The following MARCOL variants were observed in gnomAD, a reference collection of about 807,000 sequenced individuals.
MARCOL encodes MARCO-like protein.
chr5:148,242,584 C>T lies in MARCOL; in HGVS notation c.188C>T (p.Thr63Ile), dbSNP rs935391850. ...RDSNKQGGSY[T>I]QGNPGTFRLQ... ...TCTAATAAGCAAGGAGGTAGTTATA[C>T]ACAAGGAAATCCAGGAACGTTTAGG... is the stretch of plus-strand genomic sequence containing the variant. The change falls in exon 2 of 2, where the codon ACA (threonine) becomes ATA (isoleucine). Residue 63 changes from threonine to isoleucine, a missense_variant. By Grantham distance (89) the Thr-to-Ile change is moderately conservative. Coordinates refer to ENST00000638089, the MANE Select transcript of MARCOL (RefSeq NM_001363511.2). The T allele has an allele frequency of 2.0e-5, 8 of 398,158 alleles. No homozygotes were observed. The highest frequency in any genetic ancestry group is 3.5e-5 in the Non-Finnish European group (8 of 225,898). 24.7% of individuals were successfully genotyped at this position (398,158 alleles called of 1,614,324 possible).
rs1029342361 is a variant in MARCOL at position 148,242,977 on chromosome 5, A to G, written c.581A>G (p.His194Arg). 7.5e-6 allele frequency: 3 copies of G among 399,108 alleles called. No individual in the cohort carries two copies. Among genetic ancestry groups the G allele is most frequent in the Non-Finnish European group, 1.3e-5 (3 of 226,276 alleles). The allele number at this position is 399,108 out of a possible 1,614,324, so 24.7% of individuals were successfully genotyped here. A position where few individuals can be genotyped will look rare whatever the true frequency, so the allele number is the denominator to read the frequency against. The change falls in exon 2 of 2, where the codon CAT becomes CGT. Residue 194 changes from histidine (H) to arginine (R), a missense_variant. Transcript: ENST00000638089. The stretch of plus-strand genomic sequence containing the variant: ...TTAGGATCTTCTAGCCTACAAGGGC[A>G]TCTGGGTTTATCTAGCCATCAAGGG... ...GNLGSSSLQG[H>R]LGLSSHQGKP...
chr5:148,242,042 C>T (rs1022564077), intron 1 of MARCOL, among the ~76,000 whole-genome samples: 23 of 152,166 alleles, frequency 1.5e-4, no homozygotes, highest in African/African-American at 5.3e-4. Flanking sequence ...TGGCGTTATC[C>T]GTAAAGTGAA....
chr5:148,240,856 G>A (rs1480194825), intron 1 of MARCOL, among the ~76,000 whole-genome samples: 4 of 151,694 alleles, frequency 2.6e-5, no homozygotes, highest in Non-Finnish European at 5.9e-5. Flanking sequence ...CCTCCAGGAA[G>A]AAAAAAGGAT....
In MARCOL at chr5:148,243,048, C is replaced by A; in HGVS notation, c.652C>A (p.Gln218Lys). Residue 218 changes from glutamine (Q) to lysine (K), a missense_variant, in exon 2 of 2, where the codon CAA becomes AAA. By Grantham distance (53) the Gln-to-Lys change is moderately conservative (BLOSUM62 1). Coordinates refer to ENST00000638089, the MANE Select transcript of MARCOL (RefSeq NM_001363511.2). ...GQQGKPGSSS[Q>K]QGNLGTSGQQ... ...ACAGGGGAAGCCAGGGTCATCTAGC[C>A]AACAAGGAAATCTAGGAACTTCTGG... 2.5e-6 allele frequency: 1 copy of A among 397,624 alleles called. No homozygotes were observed. Among genetic ancestry groups the A allele is most frequent in the Non-Finnish European group, 4.4e-6 (1 of 225,310 alleles). 24.6% of individuals were successfully genotyped at this position (397,624 alleles called of 1,614,324 possible).
In MARCOL at chr5:148,240,309, T is replaced by C. The variant is rs559221392; in HGVS notation, c.49+1663T>C. On this transcript the variant is annotated intron_variant, in intron 1 of 1. Transcript: ENST00000638089. Reference sequence around the variant, plus strand: ...AAATCTTCATTATATTGATTGTCCTTGGAGAAAACAAAGAGTAGAACTCTG... The same window carrying C: ...AAATCTTCATTATATTGATTGTCCTCGGAGAAAACAAAGAGTAGAACTCTG... Among the ~76,000 whole-genome samples, 10 of 152,044 alleles carry C rather than the reference T, an allele frequency of 6.6e-5. No homozygotes were observed. The South Asian group carries it at 1.2e-3, about 19-fold the overall frequency.
chr5:148,242,851 C>A lies in MARCOL; in HGVS notation c.455C>A (p.Ser152Ter). The stretch of plus-strand genomic sequence containing the variant: ...TCTGACCAACAAGAGAAACCAGGGT[C>A]ATTTAGCCAGAAAGTGATGGTGGGG... ...GSSDQQEKPGSFSQKVMVGSS... is the reference protein window; with the variant it reads ...GSSDQQEKPG Residue 152 changes from serine (S) to a stop codon, truncating the protein, a stop_gained, in exon 2 of 2, where the codon TCA (serine) becomes TAA (stop). Coordinates refer to ENST00000638089, the MANE Select transcript of MARCOL (RefSeq NM_001363511.2). LOFTEE classifies it low-confidence loss of function (END_TRUNC). The A allele has an allele frequency of 2.5e-6, 1 of 398,866 alleles. No individual in the cohort carries two copies. Among genetic ancestry groups the A allele is most frequent in the Middle Eastern group, 6.3e-4 (1 of 1,592 alleles). The allele number at this position is 398,866 out of a possible 1,614,324, so 24.7% of individuals were successfully genotyped here.
At position 148,242,755 on chromosome 5, in the gene MARCOL, A is replaced by T. The variant is rs1222813452; in HGVS notation, c.359A>T (p.Gln120Leu). ...QKGNPESSNK[Q>L]ENSGSSSQLG... ...GGGAATCCAGAATCTTCTAATAAGC[A>T]GGAAAACTCAGGATCTTCTAGCCAA... Residue 120 changes from glutamine to leucine, a missense_variant, in exon 2 of 2, where the codon CAG becomes CTG. Gln to Leu is a moderately radical substitution (Grantham distance 113). Transcript: ENST00000638089. The T allele has an allele frequency of 5.0e-6, 2 of 398,384 alleles. No homozygotes were observed. The highest frequency in any genetic ancestry group is 8.8e-6 in the Non-Finnish European group (2 of 226,002). The allele number at this position is 398,384 out of a possible 1,614,324, so 24.7% of individuals were successfully genotyped here. A position where few individuals can be genotyped will look rare whatever the true frequency, so the allele number is the denominator to read the frequency against.
At chr5:148,241,166 G>C (rs1428603118) in intron 1 of MARCOL, among the ~76,000 whole-genome samples, 1 of 127,302 alleles carries the variant, frequency 7.9e-6, no homozygotes, top group Non-Finnish European at 1.8e-5. Context: ...CTAAGCTTCT[G>C]TGTCTTGACT....
intron 1 of MARCOL, 50 bp from the exon 2 acceptor site, chr5:148,242,396 A>C (rs1355400417): frequency 5.0e-6 from 2 of 396,986 alleles, no homozygotes; most frequent in African/African-American, 4.1e-5. Context: ...AAAATTATTT[A>C]ATGTATATAA....
At position 148,238,536 on chromosome 5, in the gene MARCOL, A is replaced by G. The variant is rs1307460568; in HGVS notation, c.-62A>G. On this transcript the variant is annotated 5_prime_UTR_variant, in exon 1 of 2. Coordinates refer to ENST00000638089, the MANE Select transcript of MARCOL (RefSeq NM_001363511.2). ...AGTGAGCATGGTTTATTTGAAGAGC[A>G]CCTACTGCAGAGTTAGGCTTAACTC... 2.5e-6 allele frequency: 1 copy of G among 397,522 alleles called. No individual in the cohort carries two copies. The highest frequency in any genetic ancestry group is 2.1e-5 in the African/African-American group (1 of 48,552). 24.6% of individuals were successfully genotyped at this position (397,522 alleles called of 1,614,324 possible). A position where few individuals can be genotyped will look rare whatever the true frequency, so the allele number is the denominator to read the frequency against.
intron 1 of MARCOL, among the ~76,000 whole-genome samples, chr5:148,239,745 C>T: frequency 6.6e-6 from 1 of 151,892 alleles, no homozygotes; most frequent in East Asian, 1.9e-4. Flanking sequence ...AGATAAAATT[C>T]CTTTATAGAA....
At chr5:148,241,947 G>A (rs1425056047) in intron 1 of MARCOL, among the ~76,000 whole-genome samples, 6 of 152,216 alleles carry the variant, frequency 3.9e-5, no homozygotes, top group South Asian at 4.1e-4. Flanking sequence ...AAGAAAGTTG[G>A]CTACAGATAA....
chr5:148,241,103 G>A (rs17108015), intron 1 of MARCOL, among the ~76,000 whole-genome samples: 7,238 of 151,664 alleles, frequency 0.048, 583 homozygotes, highest in African/African-American at 0.17. Flanking sequence ...GAATGGCTAA[G>A]TTATACTCAC....
At chr5:148,241,171 T>C (rs796588313) in intron 1 of MARCOL, among the ~76,000 whole-genome samples, 5 of 145,894 alleles carry the variant, frequency 3.4e-5, no homozygotes, top group African/African-American at 1.2e-4. Flanking sequence ...CTTCTGTGTC[T>C]TGACTAGGAC....
Position 148,242,804 on chromosome 5 carries a change from C to A in MARCOL, c.408C>A (p.Thr136=), listed in dbSNP as rs1005008409. The A allele has an allele frequency of 1.0e-5, 4 of 398,486 alleles. No individual in the cohort carries two copies. The East Asian group carries it at 1.4e-4, about 14-fold the overall frequency. The allele number at this position is 398,486 out of a possible 1,614,324, so 24.7% of individuals were successfully genotyped here. A position where few individuals can be genotyped will look rare whatever the true frequency, so the allele number is the denominator to read the frequency against. The change falls in exon 2 of 2, where the codon ACC becomes ACA. Residue 136 remains threonine, a synonymous_variant. Coordinates refer to ENST00000638089, the MANE Select transcript of MARCOL (RefSeq NM_001363511.2). The stretch of plus-strand genomic sequence containing the variant: ...AACTAGGGAGACCAGGGATTTCTAC[C>A]CAACAGGGAAATCCAGGGTCATCTG... ...SSQLGRPGIS[T]QQGNPGSSDQ...
At chr5:148,240,830 T>C (rs1237308673) in intron 1 of MARCOL, among the ~76,000 whole-genome samples, 1 of 151,954 alleles carries the variant, frequency 6.6e-6, no homozygotes, top group Admixed American at 6.6e-5. Flanking sequence ...AATCTTATGT[T>C]TCTTATGTAC....
Position 148,243,502 on chromosome 5 carries a change from C to G in MARCOL, c.*248C>G. ...AGCCAGCAAGGAAATATAGGGTCATCTGGCCAGGAATGGAAGCCAGAGCCA... is the reference window on the plus strand; with the variant it reads ...AGCCAGCAAGGAAATATAGGGTCATGTGGCCAGGAATGGAAGCCAGAGCCA... On this transcript the variant is annotated 3_prime_UTR_variant, in exon 2 of 2. Transcript: ENST00000638089. 1 of 367,710 alleles carries G rather than the reference C, an allele frequency of 2.7e-6. No individual in the cohort carries two copies. Among genetic ancestry groups the G allele is most frequent in the Non-Finnish European group, 4.8e-6 (1 of 207,088 alleles). 22.8% of individuals were successfully genotyped at this position (367,710 alleles called of 1,614,324 possible).
chr5:148,239,851 G>A (rs745581124), intron 1 of MARCOL, among the ~76,000 whole-genome samples: 6 of 151,784 alleles, frequency 4.0e-5, no homozygotes, highest in African/African-American at 1.5e-4. Context: ...GGAAGAAAGT[G>A]TATTATATAT....
At chr5:148,240,033 T>C (rs1755947340) in intron 1 of MARCOL, among the ~76,000 whole-genome samples, 1 of 151,942 alleles carries the variant, frequency 6.6e-6, no homozygotes, top group Non-Finnish European at 1.5e-5. Context: ...CATTATAATA[T>C]CTTAATTGTC....
Sources: gnomAD v4.1 joint callset for allele counts (sites outside exome capture counted in the v4.1 genomes callset) on GRCh38, gnomAD v4.1.1 for gene constraint, MANE v1.5 for transcripts, NCBI Gene and HGNC (gene_info 2026-07-23, HGNC 2026-07-21) for gene names.